HDAC4: variants seen among roughly 807,000 people sequenced by gnomAD.
The protein encoded by HDAC4 is histone deacetylase 4.
Under a neutral mutation model 135.1 loss-of-function variants are expected in HDAC4, and 16 were observed. The observed-to-expected ratio is 0.12, with a 90% confidence interval of 0.08 to 0.18. HDAC4 has a LOEUF of 0.18. HDAC4 is among the 10% of genes least tolerant of loss of function. The pLI, the probability that HDAC4 is intolerant of heterozygous loss-of-function variation, is 1.00. For missense variants in HDAC4, 1,143 were observed against 1,511.8 expected (o/e 0.76, Z 4.05); for synonymous variants, 685 against 653.4 (o/e 1.05, Z -0.74).
Position 239,308,436 on chromosome 2 carries a change from CAG to C in HDAC4, c.22+44240_22+44241del, listed in dbSNP as rs71663022. ...GAGGAGTTCCTTAGCTTCCTGTTTTCAGAGAGTCTTCTTAGCAAAGTGAGGAA... is the reference window on the plus strand; with the variant it reads ...GAGGAGTTCCTTAGCTTCCTGTTTTCAGAGTCTTCTTAGCAAAGTGAGGAA... On this transcript the variant is annotated intron_variant, in intron 2 of 26. Coordinates refer to ENST00000543185, the MANE Select transcript of HDAC4 (RefSeq NM_001378414.1). This position sits in a 1 kb window ranked among gnomAD's most constrained non-coding sequence, Gnocchi z 4.2. Among the ~76,000 whole-genome samples, 26,616 of 152,042 alleles carry C rather than the reference CAG, an allele frequency of 0.18. 3,410 individuals carry two copies. Among genetic ancestry groups the C allele is most frequent in the East Asian group, 0.49 (2,539 of 5,158 alleles).
intron 4 of HDAC4, among the ~76,000 whole-genome samples, chr2:239,177,607 G>A (rs951475728): frequency 2.0e-5 from 3 of 152,140 alleles, no homozygotes; most frequent in Admixed American, 6.5e-5. Flanking sequence ...GCATTCTACC[G>A]AGTATAAATT....
intron 3 of HDAC4, among the ~76,000 whole-genome samples, chr2:239,230,604 C>T (rs1401937269): frequency 6.6e-6 from 1 of 152,174 alleles, no homozygotes; most frequent in East Asian, 1.9e-4. Flanking sequence ...CCAGTCCTTC[C>T]GTGGGGGCCA....
chr2:239,341,465 C>G (rs569971510), intron 2 of HDAC4, among the ~76,000 whole-genome samples: 2 of 152,330 alleles, frequency 1.3e-5, no homozygotes, highest in South Asian at 4.1e-4. Flanking sequence ...AATTCTGCAT[C>G]ACACTACCTA....
intron 12 of HDAC4, among the ~76,000 whole-genome samples, chr2:239,119,489 GAGCTCAGGGCTGAGGGCGCGGGGACCA>G: frequency 6.6e-6 from 1 of 151,852 alleles, no homozygotes; most frequent in Non-Finnish European, 1.5e-5. Context: ...GCGGGGACCA[GAGCTCAGGGCTGAGGGCGCGGGGACCA>G]GAGCTCAGAG....
intron 4 of HDAC4, among the ~76,000 whole-genome samples, chr2:239,176,993 GA>G (rs1460622757): frequency 1.3e-5 from 2 of 152,018 alleles, no homozygotes; most frequent in African/African-American, 4.8e-5. Flanking sequence ...CTATTTATCC[GA>G]AACACGGAAG....
chr2:239,161,951 C>T (rs554747381), intron 6 of HDAC4: 10 of 375,484 alleles, frequency 2.7e-5, no homozygotes, highest in East Asian at 1.5e-4. Context: ...CCTGCTGCTC[C>T]GTCCTCCCCT....
At chr2:239,117,762 G>A (rs971547701) in intron 12 of HDAC4, among the ~76,000 whole-genome samples, 1 of 152,120 alleles carries the variant, frequency 6.6e-6, no homozygotes, top group African/African-American at 2.4e-5. Context: ...TGTCCCCGTG[G>A]GGAACGGCCT....
chr2:239,367,327 T>G (rs533563935), intron 1 of HDAC4, among the ~76,000 whole-genome samples: 1 of 152,122 alleles, frequency 6.6e-6, no homozygotes, highest in Non-Finnish European at 1.5e-5. Context: ...AAGGGTAAAA[T>G]GATGCCTCTC....
At chr2:239,066,229 T>A (rs938266488) in intron 24 of HDAC4, among the ~76,000 whole-genome samples, 4 of 152,118 alleles carry the variant, frequency 2.6e-5, no homozygotes, top group Non-Finnish European at 5.9e-5. Context: ...GCGGTGTTGG[T>A]AGGGACACAG....
Position 239,141,153 on chromosome 2 carries a change from C to A in HDAC4, c.866-1357G>T, listed in dbSNP as rs939090993. Reference sequence around the variant, plus strand: ...CGTGGCTTGAGGGAACTGTCATGGGCGTCTGCATACCAGAGTTAACCCAGC... The same window carrying A: ...CGTGGCTTGAGGGAACTGTCATGGGAGTCTGCATACCAGAGTTAACCCAGC... On this transcript the variant is annotated intron_variant, in intron 8 of 26. Transcript: ENST00000543185. This position sits in a 1 kb window ranked among gnomAD's most constrained non-coding sequence, Gnocchi z 4.9. Among the ~76,000 whole-genome samples the A allele has an allele frequency of 6.6e-6, 1 of 152,152 alleles. No individual in the cohort carries two copies. The highest frequency in any genetic ancestry group is 1.5e-5 in the Non-Finnish European group (1 of 68,028).
rs2052747217 is a variant in HDAC4, at chr2:239,309,024, A to G, written c.22+43654T>C. 1 of 152,206 alleles carries G rather than the reference A, an allele frequency of 6.6e-6. No individual in the cohort carries two copies. Among genetic ancestry groups the G allele is most frequent in the Non-Finnish European group, 1.5e-5 (1 of 68,038 alleles). The allele number at this position is 152,206 out of a possible 1,614,324, so 9.4% of individuals were successfully genotyped here. On this transcript the variant is annotated intron_variant, in intron 2 of 26. Coordinates refer to ENST00000543185, the MANE Select transcript of HDAC4 (RefSeq NM_001378414.1). The surrounding 1 kb of genome is among the most constrained non-coding windows in gnomAD (Gnocchi z 4.2). ...GGAAGACACTGAGCAGTTACATAAC[A>G]GCACAGAAAATCCCTTACAAGTTTC...
At chr2:239,166,594 C>G (rs1053680536) in intron 5 of HDAC4, among the ~76,000 whole-genome samples, 2 of 152,208 alleles carry the variant, frequency 1.3e-5, no homozygotes, top group Non-Finnish European at 2.9e-5. Context: ...GGGGACTGGT[C>G]AGAAGATCAC....
chr2:239,209,304 G>C (rs1283188715), intron 3 of HDAC4, among the ~76,000 whole-genome samples: 1 of 152,208 alleles, frequency 6.6e-6, no homozygotes, highest in Admixed American at 6.5e-5. Context: ...TCCAGTGCAA[G>C]GTAGTTCATG....
chr2:239,174,705 A>C (rs1358396820), intron 5 of HDAC4, among the ~76,000 whole-genome samples: 1 of 152,262 alleles, frequency 6.6e-6, no homozygotes, highest in Middle Eastern at 3.2e-3. Flanking sequence ...TGCTTTTAAT[A>C]GCTCTGGTTA....
chr2:239,364,276 C>G (rs2125979571), intron 1 of HDAC4, among the ~76,000 whole-genome samples: 1 of 152,342 alleles, frequency 6.6e-6, no homozygotes, highest in Admixed American at 6.5e-5. Context: ...CCAGAAACCT[C>G]CCAAACGTGC....
chr2:239,115,031 T>A lies in HDAC4; in HGVS notation c.1791+22A>T. 6.2e-7 allele frequency: 1 copy of A among 1,606,822 alleles called. No individual in the cohort carries two copies. Among genetic ancestry groups the A allele is most frequent in the South Asian group, 1.1e-5 (1 of 91,066 alleles). On this transcript the variant is annotated intron_variant, in intron 13 of 26. Coordinates refer to ENST00000543185, the MANE Select transcript of HDAC4 (RefSeq NM_001378414.1). The surrounding 1 kb of genome is among the most constrained non-coding windows in gnomAD (Gnocchi z 6.3). ...GTGGCTGTGCGTGCCAGCCTTCTGG[T>A]GCCCTCCCCGCCTGCGGTCACCTGT...
intron 24 of HDAC4, among the ~76,000 whole-genome samples, chr2:239,058,926 T>C (rs1006517431): frequency 2.0e-5 from 3 of 152,138 alleles, no homozygotes; most frequent in African/African-American, 4.8e-5. Context: ...CCCAAACACA[T>C]GTGGAATGTC....
intron 13 of HDAC4, among the ~76,000 whole-genome samples, chr2:239,114,711 ACTT>A (rs1246190278): frequency 6.6e-6 from 1 of 152,060 alleles, no homozygotes; most frequent in African/African-American, 2.4e-5. Context: ...TAGTTCCTTC[ACTT>A]CTTTAAAAAG....
rs972787201 is a variant in HDAC4, at chr2:239,141,116, C to T, written c.866-1320G>A. On this transcript the variant is annotated intron_variant, in intron 8 of 26. Transcript: ENST00000543185. The surrounding 1 kb of genome is among the most constrained non-coding windows in gnomAD (Gnocchi z 4.9). Reference sequence around the variant, plus strand: ...GGAGGCATGGAGCAGCAACATCACTCGTCCCAGGCCACGTGGCTTGAGGGA... The same window carrying T: ...GGAGGCATGGAGCAGCAACATCACTTGTCCCAGGCCACGTGGCTTGAGGGA... 1.9e-5 allele frequency: 5 copies of T among 270,026 alleles called. No homozygotes were observed. The highest frequency in any genetic ancestry group is 7.0e-5 in the African/African-American group (3 of 43,060). 16.7% of individuals were successfully genotyped at this position (270,026 alleles called of 1,614,324 possible).
Sources: gnomAD v4.1 joint callset for allele counts (sites outside exome capture counted in the v4.1 genomes callset) on GRCh38, gnomAD v4.1.1 for gene constraint, Gnocchi (gnomAD v3.1) non-coding constraint, MANE v1.5 for transcripts, NCBI Gene and HGNC (gene_info 2026-07-23, HGNC 2026-07-21) for gene names.